Variants in DOK6 observed in about 807,000 individuals in gnomAD.
DOK6 encodes downstream of tyrosine kinase 6.
DOK6 carries 22 observed loss-of-function variants against 44.0 expected under a neutral mutation model. That is an observed-to-expected ratio of 0.50 (90% CI 0.36 to 0.71). DOK6 has a LOEUF of 0.71. Ranked by LOEUF, DOK6 falls within the 30% of genes least tolerant of loss-of-function variation. The probability of loss-of-function intolerance (pLI) is 0.00; values close to 1 mark genes in which losing one functional copy is unlikely to be tolerated. For synonymous variants in DOK6, 166 were observed against 145.5 expected (o/e 1.14, Z -1.01); for missense variants, 340 against 416.4 (o/e 0.82, Z 1.60).
intron 1 of DOK6, among the ~76,000 whole-genome samples, chr18:69,446,185 T>A (rs1418174491): frequency 6.6e-6 from 1 of 151,082 alleles, no homozygotes; most frequent in African/African-American, 2.4e-5. Flanking sequence ...TAGGTATATC[T>A]CCTAATGCTA....
At chr18:69,643,151 A>T (rs1477455443) in intron 3 of DOK6, among the ~76,000 whole-genome samples, 1 of 152,226 alleles carries the variant, frequency 6.6e-6, no homozygotes, top group African/African-American at 2.4e-5. Flanking sequence ...GTAGCTGTAC[A>T]TTCATATGAA....
chr18:69,495,510 G>C (rs1337821718), intron 1 of DOK6, among the ~76,000 whole-genome samples: 2 of 152,164 alleles, frequency 1.3e-5, no homozygotes, highest in Non-Finnish European at 2.9e-5. Flanking sequence ...TGGCTGCTCA[G>C]CTCTGGCTGA....
At chr18:69,727,032 T>G (rs193263935) in intron 5 of DOK6, among the ~76,000 whole-genome samples, 34 of 152,178 alleles carry the variant, frequency 2.2e-4, no homozygotes, top group African/African-American at 8.2e-4. Flanking sequence ...GTTTTTTTAT[T>G]TCTTTATAGC....
Position 69,717,298 on chromosome 18 carries a change from T to C in DOK6, c.599+18705T>C, listed in dbSNP as rs1345023173. Among the ~76,000 whole-genome samples, 7 of 152,328 alleles carry C rather than the reference T, an allele frequency of 4.6e-5. No homozygotes were observed. The East Asian group carries it at 1.4e-3, about 29-fold the overall frequency. On this transcript the variant is annotated intron_variant, in intron 5 of 7. Coordinates refer to ENST00000382713, the MANE Select transcript of DOK6 (RefSeq NM_152721.6). ...AAACATTAATGTGTAAAAGTATTCA[T>C]TAAGCCTATTTATATTTCTCAGTGG...
chr18:69,478,370 C>A (rs1980326131), intron 1 of DOK6, among the ~76,000 whole-genome samples: 1 of 152,124 alleles, frequency 6.6e-6, no homozygotes, highest in South Asian at 2.1e-4. Context: ...TCTAATCTGA[C>A]ACCTATCTAA....
At chr18:69,518,995 T>C (rs4346285) in intron 1 of DOK6, among the ~76,000 whole-genome samples, 93,447 of 151,890 alleles carry the variant, frequency 0.62, 29,428 homozygotes, top group Non-Finnish European at 0.69. Flanking sequence ...GGAAAATCTT[T>C]CTTACGCTCT....
intron 3 of DOK6, 73 bp from the exon 4 acceptor site, chr18:69,677,661 A>G (rs2144685788): frequency 6.2e-7 from 1 of 1,603,210 alleles, no homozygotes; most frequent in South Asian, 1.1e-5. Flanking sequence ...CTGGGAAAAC[A>G]GTTAAGGAAA....
At chr18:69,811,443 G>T (rs1192616009) in intron 7 of DOK6, among the ~76,000 whole-genome samples, 1 of 148,816 alleles carries the variant, frequency 6.7e-6, no homozygotes, top group African/African-American at 2.5e-5. Flanking sequence ...GCTGAGAGTG[G>T]ATTTTAAGTT....
At chr18:69,418,992 G>A (rs1356308405) in intron 1 of DOK6, among the ~76,000 whole-genome samples, 1 of 152,074 alleles carries the variant, frequency 6.6e-6, no homozygotes, top group African/African-American at 2.4e-5. Context: ...TCATTTTGCA[G>A]TTGCAGTTTA....
At chr18:69,754,074 A>G (rs1230648142) in intron 6 of DOK6, among the ~76,000 whole-genome samples, 1 of 152,158 alleles carries the variant, frequency 6.6e-6, no homozygotes, top group African/African-American at 2.4e-5. Flanking sequence ...TGCTTTTTCA[A>G]TGAAGGCATT....
At chr18:69,651,821 C>A (rs775935679) in intron 3 of DOK6, among the ~76,000 whole-genome samples, 11 of 152,080 alleles carry the variant, frequency 7.2e-5, no homozygotes, top group Non-Finnish European at 1.3e-4. Flanking sequence ...TCTGCACTAT[C>A]TCCTTGCAAA....
intron 1 of DOK6, among the ~76,000 whole-genome samples, chr18:69,500,993 G>C (rs907264475): frequency 6.6e-6 from 1 of 152,054 alleles, no homozygotes. Context: ...TGTTAATGTT[G>C]CATTCCCTTC....
chr18:69,443,700 G>C (rs770404119), intron 1 of DOK6, among the ~76,000 whole-genome samples: 1 of 152,050 alleles, frequency 6.6e-6, no homozygotes, highest in African/African-American at 2.4e-5. Flanking sequence ...TCTATCCCTT[G>C]TACTAAATGC....
chr18:69,777,022 T>C (rs1980091834), intron 7 of DOK6, among the ~76,000 whole-genome samples: 1 of 145,672 alleles, frequency 6.9e-6, no homozygotes, highest in Admixed American at 6.8e-5. Flanking sequence ...GGGATAGCAT[T>C]AGGAGGTATA....
intron 5 of DOK6, among the ~76,000 whole-genome samples, chr18:69,737,013 A>C (rs1039625365): frequency 2.6e-5 from 4 of 152,214 alleles, no homozygotes; most frequent in African/African-American, 9.6e-5. Flanking sequence ...ATGCCATCTA[A>C]ATTATTTCCT....
At chr18:69,782,122 A>G (rs962242065) in intron 7 of DOK6, among the ~76,000 whole-genome samples, 3 of 151,914 alleles carry the variant, frequency 2.0e-5, no homozygotes, top group African/African-American at 7.3e-5. Context: ...GAAAGAGTGG[A>G]TGTTTTGAAA....
intron 7 of DOK6, among the ~76,000 whole-genome samples, chr18:69,816,067 T>C (rs555811166): frequency 6.6e-6 from 1 of 152,170 alleles, no homozygotes; most frequent in Non-Finnish European, 1.5e-5. Context: ...AATATATTGA[T>C]AATAATGACA....
At chr18:69,604,751 A>C (rs1375908698) in intron 3 of DOK6, among the ~76,000 whole-genome samples, 1 of 152,200 alleles carries the variant, frequency 6.6e-6, no homozygotes, top group Non-Finnish European at 1.5e-5. Context: ...GTTAAGCTAC[A>C]GTAGTTTATA....
chr18:69,445,792 G>A (rs1262523669), intron 1 of DOK6, among the ~76,000 whole-genome samples: 1 of 152,074 alleles, frequency 6.6e-6, no homozygotes, highest in African/African-American at 2.4e-5. Context: ...AGGCTGACAC[G>A]GGAGGATCAC....
Sources: allele counts gnomAD v4.1 joint callset (sites outside exome capture counted in the v4.1 genomes callset), GRCh38; gene constraint gnomAD v4.1.1; transcripts MANE v1.5; gene names NCBI Gene and HGNC (gene_info 2026-07-23, HGNC 2026-07-21).